The following PTPRT variants were observed in gnomAD, a reference collection of about 807,000 sequenced individuals.
PTPRT encodes the protein receptor-type tyrosine-protein phosphatase T.
In PTPRT, 56 loss-of-function variants were observed where a neutral mutation model predicts 176.8. The observed-to-expected ratio is 0.32, with a 90% CI of 0.26 to 0.40. PTPRT has a LOEUF of 0.40. Ranked by LOEUF, PTPRT falls within the 10% of genes least tolerant of loss-of-function variation. The pLI, the probability that PTPRT is intolerant of heterozygous loss-of-function variation, is 1.00. For synonymous variants in PTPRT, 783 were observed against 739.0 expected (o/e 1.06, Z -0.96); for missense variants, 1,540 against 1,908.2 (o/e 0.81, Z 3.60).
intron 1 of PTPRT, among the ~76,000 whole-genome samples, chr20:43,007,803 T>TA (rs879621880): frequency 1.3e-5 from 2 of 152,176 alleles, no homozygotes; most frequent in Non-Finnish European, 2.9e-5. Context: ...GAAAAATAGT[T>TA]AGCATAGTTG....
At chr20:42,070,759 C>G (rs1246275580), downstream of PTPRT, among the ~76,000 whole-genome samples, 1 of 152,056 alleles carries the variant, frequency 6.6e-6, no homozygotes, top group Non-Finnish European at 1.5e-5. Context: ...GAACTTTCAC[C>G]TTTTGCCTTA....
At chr20:43,070,164 G>C (rs1267730789) in intron 1 of PTPRT, among the ~76,000 whole-genome samples, 1 of 152,138 alleles carries the variant, frequency 6.6e-6, no homozygotes, top group Non-Finnish European at 1.5e-5. Flanking sequence ...TGCAGTGCAT[G>C]CTGCTGGTGC....
At chr20:42,697,715 G>C (rs969089638) in intron 6 of PTPRT, among the ~76,000 whole-genome samples, 1 of 152,158 alleles carries the variant, frequency 6.6e-6, no homozygotes, top group African/African-American at 2.4e-5. Flanking sequence ...GAAAAAACTC[G>C]CCTTTGTGGG....
chr20:42,199,325 G>A lies in PTPRT; in HGVS notation c.2406C>T (p.Ala802=), dbSNP rs1991357405. Residue 802 remains alanine (A), a synonymous_variant, in exon 16 of 31, where the codon GCC becomes GCT. Transcript: ENST00000373187. The stretch of plus-strand genomic sequence containing the variant: ...GCTTGGTGGTGGGTTTGTCGGCAGA[G>A]GCCACAGGCCCCATCTCCCTCTGGG... ...SGAQREMGPV[A]SADKPTTKLS... is the part of the protein sequence containing the mutation. 1.9e-6 allele frequency: 3 copies of A among 1,614,148 alleles called. No individual in the cohort carries two copies. The highest frequency in any genetic ancestry group is 2.5e-6 in the Non-Finnish European group (3 of 1,180,008).
intron 1 of PTPRT, among the ~76,000 whole-genome samples, chr20:42,965,387 T>C (rs766022507): frequency 6.6e-6 from 1 of 152,202 alleles, no homozygotes; most frequent in Non-Finnish European, 1.5e-5. Flanking sequence ...AGATATACAA[T>C]AGACATGAAT....
intron 13 of PTPRT, among the ~76,000 whole-genome samples, chr20:42,253,861 G>C (rs534037523): frequency 7.9e-5 from 12 of 152,176 alleles, no homozygotes; most frequent in Non-Finnish European, 1.3e-4. Context: ...AGTTCTCAAA[G>C]CAGCTGCTGC....
chr20:42,561,549 A>G (rs987514470), intron 7 of PTPRT, among the ~76,000 whole-genome samples: 1 of 152,162 alleles, frequency 6.6e-6, no homozygotes, highest in Non-Finnish European at 1.5e-5. Flanking sequence ...CCTAGATTAT[A>G]TTTAGATCCT....
downstream of PTPRT, among the ~76,000 whole-genome samples, chr20:42,068,841 T>G (rs1982195384): frequency 6.6e-6 from 1 of 152,160 alleles, no homozygotes. Flanking sequence ...TGGGATGGAG[T>G]CAGTCCTCAT....
At chr20:42,318,005 C>T (rs1193911318) in intron 11 of PTPRT, among the ~76,000 whole-genome samples, 3 of 152,142 alleles carry the variant, frequency 2.0e-5, no homozygotes, top group Non-Finnish European at 2.9e-5. Context: ...ATCTGTATTA[C>T]CTGGGCATCT....
intron 1 of PTPRT, among the ~76,000 whole-genome samples, chr20:42,900,485 C>T (rs1376866580): frequency 6.6e-6 from 1 of 152,178 alleles, no homozygotes; most frequent in African/African-American, 2.4e-5. Flanking sequence ...ATCACAGCCA[C>T]ATCCTTGAGT....
At chr20:42,067,616 A>G in the PTPRT span, among the ~76,000 whole-genome samples, 1 of 152,198 alleles carries the variant, frequency 6.6e-6, no homozygotes, top group African/African-American at 2.4e-5. Context: ...CAACAAAAAT[A>G]TGAGATGGCA....
At chr20:42,106,159 T>C (rs952891591) in intron 24 of PTPRT, among the ~76,000 whole-genome samples, 2 of 152,050 alleles carry the variant, frequency 1.3e-5, no homozygotes, top group African/African-American at 4.8e-5. Context: ...TTTGGAGGAG[T>C]AGAAACAATA....
intron 8 of PTPRT, among the ~76,000 whole-genome samples, chr20:42,468,607 G>A (rs1032749717): frequency 2.0e-5 from 3 of 152,246 alleles, no homozygotes; most frequent in East Asian, 1.9e-4. Flanking sequence ...CTCTCATGTT[G>A]TTTTGATAAA....
chr20:42,862,598 C>G (rs2078681521), intron 2 of PTPRT, among the ~76,000 whole-genome samples: 1 of 152,244 alleles, frequency 6.6e-6, no homozygotes, highest in South Asian at 2.1e-4. Context: ...ACACCATATG[C>G]CAGAGAGTGG....
intron 1 of PTPRT, among the ~76,000 whole-genome samples, chr20:43,036,392 C>T (rs1005504916): frequency 1.3e-5 from 2 of 152,056 alleles, no homozygotes; most frequent in Non-Finnish European, 2.9e-5. Flanking sequence ...CCACTATGCC[C>T]AGCTTTATTT....
intron 9 of PTPRT, among the ~76,000 whole-genome samples, chr20:42,395,026 A>G (rs1351844498): frequency 6.6e-6 from 1 of 152,206 alleles, no homozygotes; most frequent in Non-Finnish European, 1.5e-5. Context: ...CTGCTGGACA[A>G]GTGTGAGGAA....
intron 1 of PTPRT, among the ~76,000 whole-genome samples, chr20:43,000,109 CT>C (rs1207581516): frequency 6.7e-6 from 1 of 148,338 alleles, no homozygotes; most frequent in Non-Finnish European, 1.5e-5. Flanking sequence ...GAATAAAAAC[CT>C]GCCAAAGGAA....
intron 1 of PTPRT, among the ~76,000 whole-genome samples, chr20:42,917,280 G>A (rs947147499): frequency 1.3e-5 from 2 of 152,126 alleles, no homozygotes; most frequent in African/African-American, 2.4e-5. Flanking sequence ...GTAGCTATGC[G>A]GCATTATTTC....
At chr20:42,672,955 C>A (rs1346678947) in intron 7 of PTPRT, among the ~76,000 whole-genome samples, 1 of 152,194 alleles carries the variant, frequency 6.6e-6, no homozygotes, top group African/African-American at 2.4e-5. Context: ...CAGTGCCTAG[C>A]ACAGAATTTG....
Sources: gnomAD v4.1 joint callset for allele counts (sites outside exome capture counted in the v4.1 genomes callset) on GRCh38, gnomAD v4.1.1 for gene constraint, MANE v1.5 for transcripts, NCBI Gene and HGNC (gene_info 2026-07-23, HGNC 2026-07-21) for gene names.